The following RALGPS1 variants were observed in gnomAD, a reference collection of about 807,000 sequenced individuals.
The protein encoded by RALGPS1 is ras-specific guanine nucleotide-releasing factor RalGPS1.
In RALGPS1, 19 loss-of-function variants were observed where a neutral mutation model predicts 78.8. The observed-to-expected ratio is 0.24, with a 90% CI of 0.17 to 0.35. RALGPS1 has a LOEUF of 0.35. Among genes scored for constraint, RALGPS1 ranks in the 10% least tolerant of loss-of-function variants. The pLI, the probability that RALGPS1 is intolerant of heterozygous loss-of-function variation, is 1.00. For synonymous variants in RALGPS1, 228 were observed against 256.3 expected (o/e 0.89, Z 1.06); for missense variants, 454 against 688.3 (o/e 0.66, Z 3.81).
At chr9:127,093,243 G>C (rs2052692865) in intron 8 of RALGPS1, among the ~76,000 whole-genome samples, 1 of 152,168 alleles carries the variant, frequency 6.6e-6, no homozygotes, top group South Asian at 2.1e-4. Context: ...GGGAACCAGG[G>C]AGCCCAGAGG....
intron 4 of RALGPS1, among the ~76,000 whole-genome samples, chr9:126,994,660 A>G (rs1254330257): frequency 6.6e-6 from 1 of 152,006 alleles, no homozygotes; most frequent in Non-Finnish European, 1.5e-5. Flanking sequence ...CCAACATTCA[A>G]ATTCAGGAAA....
chr9:127,059,599 G>A (rs1486481970), intron 7 of RALGPS1, among the ~76,000 whole-genome samples: 1 of 152,090 alleles, frequency 6.6e-6, no homozygotes, highest in Non-Finnish European at 1.5e-5. Flanking sequence ...TGATCCATTT[G>A]CTATCCCTTG....
chr9:127,201,999 G>A (rs1430443437), intron 14 of RALGPS1, among the ~76,000 whole-genome samples: 1 of 152,218 alleles, frequency 6.6e-6, no homozygotes, highest in African/African-American at 2.4e-5. Flanking sequence ...AGAGAGGAGA[G>A]GGGGAGGCTT....
In RALGPS1 at chr9:127,052,754, A is replaced by C. The variant is rs977703703; in HGVS notation, c.391-93A>C. The C allele has an allele frequency of 2.3e-5, 18 of 794,920 alleles. No individual in the cohort carries two copies. In the African/African-American group the frequency reaches 2.9e-4, roughly 13 times the overall value. The allele number at this position is 794,920 out of a possible 1,614,324, so 49.2% of individuals were successfully genotyped here. On this transcript the variant is annotated intron_variant, in intron 6 of 18. Transcript: ENST00000259351. ...CATGAGATATTTTTAAGTGTAATTGAATTTCATAAATATGACATTTGGTAA... is the reference window on the plus strand; with the variant it reads ...CATGAGATATTTTTAAGTGTAATTGCATTTCATAAATATGACATTTGGTAA...
chr9:126,920,828 C>T (rs937175623), intron 1 of RALGPS1, among the ~76,000 whole-genome samples: 3 of 152,118 alleles, frequency 2.0e-5, no homozygotes, highest in African/African-American at 4.8e-5. Context: ...TGACTGAAGG[C>T]GATTGGCCAT....
intron 1 of RALGPS1, among the ~76,000 whole-genome samples, chr9:126,958,329 T>G (rs1424730586): frequency 6.6e-6 from 1 of 151,918 alleles, no homozygotes; most frequent in Non-Finnish European, 1.5e-5. Flanking sequence ...AATGGTATAA[T>G]TGTATGATTT....
intron 8 of RALGPS1, among the ~76,000 whole-genome samples, chr9:127,082,301 C>A (rs964627813): frequency 6.6e-6 from 1 of 152,214 alleles, no homozygotes; most frequent in Non-Finnish European, 1.5e-5. Context: ...TGCAGCCTGG[C>A]AAAGGATTGG....
rs752232897 is a variant in RALGPS1 at position 127,091,879 on chromosome 9, G to C, written c.610+22523G>C. 6.2e-6 allele frequency: 10 copies of C among 1,614,008 alleles called. No homozygotes were observed. Among genetic ancestry groups the C allele is most frequent in the Non-Finnish European group, 3.4e-6 (4 of 1,180,040 alleles). ...CAGGAGTTTGTAGTTGCCTTGGTTC[G>C]TCAGCCAGTAAATGTTCTCCAGGCC... On this transcript the variant is annotated intron_variant, in intron 8 of 18. Coordinates refer to ENST00000259351, the MANE Select transcript of RALGPS1 (RefSeq NM_014636.3). The surrounding 1 kb of genome is among the most constrained non-coding windows in gnomAD (Gnocchi z 4.3).
intron 5 of RALGPS1, among the ~76,000 whole-genome samples, chr9:127,047,586 C>G (rs1007551378): frequency 6.6e-6 from 1 of 151,872 alleles, no homozygotes; most frequent in South Asian, 2.1e-4. Context: ...GTAATCCCAG[C>G]TACTAAGGAG....
intron 8 of RALGPS1, among the ~76,000 whole-genome samples, chr9:127,126,790 G>A (rs1051955302): frequency 8.5e-5 from 13 of 152,066 alleles, no homozygotes; most frequent in Admixed American, 1.3e-4. Context: ...GTTTATAATA[G>A]CCATTTAAAA....
intron 14 of RALGPS1, among the ~76,000 whole-genome samples, chr9:127,204,800 G>A (rs1262608957): frequency 4.6e-5 from 7 of 152,234 alleles, no homozygotes; most frequent in Non-Finnish European, 1.5e-5. Context: ...TGGTGACAGA[G>A]CACCAAGTCT....
intron 4 of RALGPS1, among the ~76,000 whole-genome samples, chr9:126,980,542 A>C (rs1304750373): frequency 6.6e-6 from 1 of 152,208 alleles, no homozygotes; most frequent in East Asian, 1.9e-4. Context: ...GGATGTAGTG[A>C]TTGTAAGACT....
chr9:127,132,113 G>A (rs925298428), intron 8 of RALGPS1, among the ~76,000 whole-genome samples: 3 of 152,266 alleles, frequency 2.0e-5, no homozygotes, highest in Admixed American at 6.5e-5. Flanking sequence ...TGCTGGTTAC[G>A]TATCATGCAG....
intron 6 of RALGPS1, 73 bp downstream of exon 6, chr9:127,050,205 C>T: frequency 7.9e-7 from 1 of 1,264,904 alleles, no homozygotes; most frequent in South Asian, 1.2e-5. Context: ...AATATGTTTC[C>T]TCAGTACTTT....
rs192055575 is a variant in RALGPS1 at position 127,183,940 on chromosome 9, C to G, written c.910+9158C>G. Reference sequence around the variant, plus strand: ...GACTCAAACCCACCTCTGGCCAACACCCTGCCTGGATGTGGCCCAGCTCCT... The same window carrying G: ...GACTCAAACCCACCTCTGGCCAACAGCCTGCCTGGATGTGGCCCAGCTCCT... On this transcript the variant is annotated intron_variant, in intron 11 of 18. Coordinates refer to ENST00000259351, the MANE Select transcript of RALGPS1 (RefSeq NM_014636.3). The surrounding 1 kb of genome is among the most constrained non-coding windows in gnomAD (Gnocchi z 4.0). 5 of 1,550,498 alleles carry G rather than the reference C, an allele frequency of 3.2e-6. No individual in the cohort carries two copies. The Admixed American group carries it at 9.8e-5, about 30-fold the overall frequency.
At chr9:127,092,265 G>A (rs534981140) in intron 8 of RALGPS1, among the ~76,000 whole-genome samples, 1 of 152,324 alleles carries the variant, frequency 6.6e-6, no homozygotes, top group South Asian at 2.1e-4. Context: ...CACTAAGTAG[G>A]CACGCAGCAG....
chr9:127,067,376 C>T (rs1172787602), intron 7 of RALGPS1, among the ~76,000 whole-genome samples: 3 of 152,216 alleles, frequency 2.0e-5, no homozygotes, highest in African/African-American at 7.2e-5. Context: ...TACCGAAGTT[C>T]GTAAGCTATC....
chr9:127,031,051 C>CCCATGGGAA (rs2046393367), intron 4 of RALGPS1, among the ~76,000 whole-genome samples: 1 of 152,110 alleles, frequency 6.6e-6, no homozygotes, highest in Non-Finnish European at 1.5e-5. Context: ...TGGGCCTCAG[C>CCCATGGGAA]GCCCATGGGA....
intron 8 of RALGPS1, among the ~76,000 whole-genome samples, chr9:127,101,447 C>T (rs1328412035): frequency 6.6e-6 from 1 of 152,228 alleles, no homozygotes; most frequent in Non-Finnish European, 1.5e-5. Context: ...CCATGAGTCC[C>T]TCAATGCTCT....
Sources: allele counts gnomAD v4.1 joint callset (sites outside exome capture counted in the v4.1 genomes callset), GRCh38; gene constraint gnomAD v4.1.1; non-coding constraint Gnocchi (gnomAD v3.1); transcripts MANE v1.5; gene names NCBI Gene and HGNC (gene_info 2026-07-23, HGNC 2026-07-21).